Variants in FILIP1L observed in about 807,000 individuals in gnomAD.
FILIP1L encodes the protein filamin A interacting protein 1 like.
FILIP1L carries 55 observed loss-of-function variants against 96.6 expected under a neutral mutation model. That is an observed-to-expected ratio of 0.57 (90% CI 0.46 to 0.71). The LOEUF is 0.71. Among genes scored for constraint, FILIP1L ranks in the 30% least tolerant of loss-of-function variants. The probability of loss-of-function intolerance (pLI) is 0.00; values close to 1 mark genes in which losing one functional copy is unlikely to be tolerated. For synonymous variants in FILIP1L, 467 were observed against 473.9 expected, an observed-to-expected ratio of 0.99 and a Z score of 0.19; for missense variants, 1,304 against 1,321.2, an observed-to-expected ratio of 0.99 and a Z score of 0.20.
At chr3:100,108,885 T>C (rs1393306651) in intron 1 of FILIP1L, among the ~76,000 whole-genome samples, 1 of 152,114 alleles carries the variant, frequency 6.6e-6, no homozygotes, top group East Asian at 1.9e-4. Flanking sequence ...AATCAGATCA[T>C]ATTCCCTTGT....
intron 4 of FILIP1L, among the ~76,000 whole-genome samples, chr3:99,894,235 A>T (rs1208151642): frequency 6.6e-6 from 1 of 152,224 alleles, no homozygotes; most frequent in Non-Finnish European, 1.5e-5. Flanking sequence ...CATAAATAAA[A>T]TACTCTTTCA....
chr3:99,882,803 G>A (rs542847443), intron 4 of FILIP1L, among the ~76,000 whole-genome samples: 1 of 152,270 alleles, frequency 6.6e-6, no homozygotes, highest in South Asian at 2.1e-4. Flanking sequence ...AACTAATTTG[G>A]AACATTAATG....
chr3:99,982,345 C>CA (rs1480630579), intron 1 of FILIP1L, among the ~76,000 whole-genome samples: 4 of 144,310 alleles, frequency 2.8e-5, no homozygotes, highest in Admixed American at 7.0e-5. Flanking sequence ...TAATTTTTTA[C>CA]TTTTTTTTTT....
chr3:100,007,997 G>A (rs1374872815), intron 1 of FILIP1L, among the ~76,000 whole-genome samples: 1 of 152,098 alleles, frequency 6.6e-6, no homozygotes, highest in African/African-American at 2.4e-5. Context: ...TATAGGTTAT[G>A]GTTGTTTTCC....
Position 100,053,119 on chromosome 3 carries a change from T to C in FILIP1L, c.-11+60934A>G, listed in dbSNP as rs1015325026. 2.0e-5 allele frequency among the ~76,000 whole-genome samples: 3 copies of C among 152,158 alleles called. No individual in the cohort carries two copies. In the East Asian group the frequency reaches 5.8e-4, roughly 29 times the overall value. On this transcript the variant is annotated intron_variant, in intron 1 of 5. Transcript: ENST00000477258. The stretch of plus-strand genomic sequence containing the variant: ...GTGCCTTTATCTCTTAAACCCTATA[T>C]ATTGCTCCAATTTGGGGCATAGTTG...
At chr3:99,859,181 G>C (rs975325683) in intron 4 of FILIP1L, among the ~76,000 whole-genome samples, 2 of 152,254 alleles carry the variant, frequency 1.3e-5, no homozygotes, top group Non-Finnish European at 2.9e-5. Flanking sequence ...GTGCTATGCA[G>C]TTCAGCTGAC....
chr3:99,887,779 G>T (rs867009213), intron 4 of FILIP1L, among the ~76,000 whole-genome samples: 3 of 152,294 alleles, frequency 2.0e-5, no homozygotes, highest in African/African-American at 7.2e-5. Context: ...CTGTCACCCA[G>T]GCTGGAGTGC....
intron 1 of FILIP1L, among the ~76,000 whole-genome samples, chr3:100,066,916 A>C (rs2065675329): frequency 6.6e-6 from 1 of 152,156 alleles, no homozygotes; most frequent in African/African-American, 2.4e-5. Context: ...GCCAGTCATT[A>C]CTTGTTTTCT....
At chr3:99,945,179 TG>T (rs1282984746) in intron 1 of FILIP1L, among the ~76,000 whole-genome samples, 1 of 152,216 alleles carries the variant, frequency 6.6e-6, no homozygotes, top group African/African-American at 2.4e-5. Flanking sequence ...GGTTAAGTCC[TG>T]GGTTCTTCAG....
chr3:99,966,758 G>A (rs1209088011), intron 1 of FILIP1L, among the ~76,000 whole-genome samples: 1 of 152,138 alleles, frequency 6.6e-6, no homozygotes, highest in Non-Finnish European at 1.5e-5. Flanking sequence ...TGGTGAGCAG[G>A]ATCTCTGTAA....
At chr3:100,082,143 A>ATTT (rs1209612937) in intron 1 of FILIP1L, among the ~76,000 whole-genome samples, 1 of 152,262 alleles carries the variant, frequency 6.6e-6, no homozygotes, top group African/African-American at 2.4e-5. Flanking sequence ...CAAAATACAA[A>ATTT]CAACTCTTTA....
rs1943488976 is a variant in FILIP1L at position 99,848,639 on chromosome 3, A to G, written c.3037T>C (p.Ser1013Pro). 6.2e-7 allele frequency: 1 copy of G among 1,613,994 alleles called. No homozygotes were observed. The highest frequency in any genetic ancestry group is 8.5e-7 in the Non-Finnish European group (1 of 1,179,998). Residue 1013 changes from serine to proline, a missense_variant, in exon 5 of 6, where the codon TCT (serine) becomes CCT (proline). Physicochemically the swap from Ser to Pro is moderately conservative, Grantham distance 74. Coordinates refer to ENST00000477258, the MANE Select transcript of FILIP1L (RefSeq NM_001387850.1). ...TCTGGGGAGCGTCCCTGCTCAGGAG[A>G]GCTAGCTGAACCAGTCACAGCCAAA... ...QVLAVTGSAS[S>P]PEQGRSPEPT...
intron 1 of FILIP1L, among the ~76,000 whole-genome samples, chr3:100,041,748 A>G (rs1184961405): frequency 2.0e-5 from 3 of 152,192 alleles, no homozygotes; most frequent in African/African-American, 7.2e-5. Context: ...TCTATGTAGC[A>G]TGGTTTTAGA....
At chr3:99,920,183 A>G (rs1576573215) in intron 4 of FILIP1L, among the ~76,000 whole-genome samples, 1 of 152,252 alleles carries the variant, frequency 6.6e-6, no homozygotes, top group South Asian at 2.1e-4. Flanking sequence ...CCAGAAATGC[A>G]GTAACATATA....
intron 4 of FILIP1L, among the ~76,000 whole-genome samples, chr3:99,870,616 G>T (rs1944740201): frequency 6.6e-6 from 1 of 152,080 alleles, no homozygotes; most frequent in Non-Finnish European, 1.5e-5. Context: ...TTAGTTGCTG[G>T]GCCTGTTTTC....
At chr3:99,844,549 T>C (rs1409596836) in intron 5 of FILIP1L, among the ~76,000 whole-genome samples, 1 of 152,218 alleles carries the variant, frequency 6.6e-6, no homozygotes, top group East Asian at 1.9e-4. Context: ...ATATTCAGAA[T>C]CAAAGAAGCT....
chr3:99,872,371 T>C (rs959103635), intron 4 of FILIP1L, among the ~76,000 whole-genome samples: 1 of 150,438 alleles, frequency 6.6e-6, no homozygotes, highest in Non-Finnish European at 1.5e-5. Flanking sequence ...AAGTACCTTA[T>C]CAAGGTACTT....
intron 1 of FILIP1L, among the ~76,000 whole-genome samples, chr3:100,061,923 G>A (rs1180927816): frequency 5.9e-5 from 9 of 151,880 alleles, no homozygotes; most frequent in Admixed American, 5.2e-4. Context: ...ATTGCTAACT[G>A]TGCAGTTTAA....
At chr3:100,082,276 A>G (rs2065944621) in intron 1 of FILIP1L, among the ~76,000 whole-genome samples, 1 of 152,254 alleles carries the variant, frequency 6.6e-6, no homozygotes, top group Non-Finnish European at 1.5e-5. Flanking sequence ...TAAGCTGCAC[A>G]TGTAAAAAGT....
Sources: gnomAD v4.1 joint callset for allele counts (sites outside exome capture counted in the v4.1 genomes callset) on GRCh38, gnomAD v4.1.1 for gene constraint, MANE v1.5 for transcripts, NCBI Gene and HGNC (gene_info 2026-07-23, HGNC 2026-07-21) for gene names.